Variants in BCAS3 observed in about 807,000 individuals in gnomAD.
BCAS3 encodes the protein BCAS4/BCAS3 fusion.
Under a neutral mutation model 116.1 loss-of-function variants are expected in BCAS3, and 53 were observed. That is an observed-to-expected ratio of 0.46 (90% CI 0.37 to 0.57). The LOEUF (loss-of-function observed/expected upper bound fraction) is 0.57, where lower values mean the gene tolerates loss of function less well. Among genes scored for constraint, BCAS3 ranks in the 20% least tolerant of loss-of-function variants. The pLI is 0.00. For missense variants in BCAS3, 917 were observed against 1,165.4 expected, an observed-to-expected ratio of 0.79 and a Z score of 3.10; for synonymous variants, 391 against 408.2, an observed-to-expected ratio of 0.96 and a Z score of 0.51.
chr17:61,308,241 A>C lies in BCAS3; in HGVS notation c.2426-60086A>C, dbSNP rs184594772. On this transcript the variant is annotated intron_variant, in intron 22 of 23. Coordinates refer to ENST00000407086, the MANE Select transcript of BCAS3 (RefSeq NM_017679.5). ...GCCTTCAGCTAGTTTACAGCATTTC[A>C]TTTTACAGCCCATCATGATGATAGT... Among the ~76,000 whole-genome samples, 418 of 152,194 alleles carry C rather than the reference A, an allele frequency of 2.7e-3. 2 individuals carry two copies. The highest frequency in any genetic ancestry group is 9.8e-3 in the African/African-American group (408 of 41,506).
intron 6 of BCAS3, among the ~76,000 whole-genome samples, chr17:60,758,372 T>C (rs1457060568): frequency 6.6e-6 from 1 of 152,186 alleles, no homozygotes; most frequent in Non-Finnish European, 1.5e-5. Flanking sequence ...GTATTGTTTT[T>C]TGAGTCTCTA....
In BCAS3 at chr17:61,255,140, C is replaced by T. The variant is rs573847478; in HGVS notation, c.2426-113187C>T. 7.2e-5 allele frequency among the ~76,000 whole-genome samples: 11 copies of T among 152,306 alleles called. No homozygotes were observed. In the East Asian group the frequency reaches 2.1e-3, roughly 29 times the overall value. On this transcript the variant is annotated intron_variant, in intron 22 of 23. Transcript: ENST00000407086. Reference sequence around the variant, plus strand: ...AGAGCACAATGACTTATTGAAGTTTCACATGTTGCTCTTTTTGGAACTACC... The same window carrying T: ...AGAGCACAATGACTTATTGAAGTTTTACATGTTGCTCTTTTTGGAACTACC...
chr17:60,712,006 A>G (rs556538325), intron 5 of BCAS3, among the ~76,000 whole-genome samples: 4 of 149,976 alleles, frequency 2.7e-5, no homozygotes, highest in Admixed American at 6.7e-5. Context: ...TACTAAAAAT[A>G]AAAAAAAAAT....
chr17:61,069,834 TAAAA>T (rs746344496), intron 19 of BCAS3: 2,323 of 599,502 alleles, frequency 3.9e-3, no homozygotes, highest in Middle Eastern at 5.7e-3. Context: ...AGACCCTGTG[TAAAA>T]AAAAAAAAAA....
chr17:61,102,639 G>C (rs1218201539), intron 22 of BCAS3, among the ~76,000 whole-genome samples: 1 of 152,040 alleles, frequency 6.6e-6, no homozygotes, highest in Admixed American at 6.6e-5. Context: ...TTGAATAGAC[G>C]TGTGTAATGC....
chr17:60,864,833 A>C lies in BCAS3; in HGVS notation c.477-3743A>C, dbSNP rs183438049. Among the ~76,000 whole-genome samples, 3 of 152,282 alleles carry C rather than the reference A, an allele frequency of 2.0e-5. No individual in the cohort carries two copies. The East Asian group carries it at 5.8e-4, about 29-fold the overall frequency. ...TATTTCAAATGAACACTTAGAGGCT[A>C]TTGTAGGATTATTAATTGGTCTACT... is the stretch of plus-strand genomic sequence containing the variant. On this transcript the variant is annotated intron_variant, in intron 7 of 23. Transcript: ENST00000407086.
intron 13 of BCAS3, among the ~76,000 whole-genome samples, chr17:60,929,936 A>G (rs932804521): frequency 1.3e-5 from 2 of 151,816 alleles, no homozygotes; most frequent in Non-Finnish European, 2.9e-5. Flanking sequence ...TCCATGGTGT[A>G]TATGTGCCAC....
intron 22 of BCAS3, among the ~76,000 whole-genome samples, chr17:61,175,859 G>A (rs1353163186): frequency 1.3e-5 from 2 of 152,150 alleles, no homozygotes; most frequent in African/African-American, 4.8e-5. Context: ...TTTGAGACTA[G>A]GTGTGGTGGC....
At chr17:60,683,177 G>T (rs2033437225) in intron 2 of BCAS3, among the ~76,000 whole-genome samples, 1 of 152,092 alleles carries the variant, frequency 6.6e-6, no homozygotes, top group African/African-American at 2.4e-5. Flanking sequence ...AGAAAATGTA[G>T]ACTGACCTGC....
intron 7 of BCAS3, among the ~76,000 whole-genome samples, chr17:60,854,868 A>G (rs1395157019): frequency 1.3e-5 from 2 of 152,058 alleles, no homozygotes; most frequent in Non-Finnish European, 2.9e-5. Flanking sequence ...GTTGCCCTTC[A>G]GTAGATGAAT....
chr17:61,034,562 G>A lies in BCAS3; in HGVS notation c.1638-104G>A. On this transcript the variant is annotated intron_variant, in intron 16 of 23. Transcript: ENST00000407086. This position sits in a 1 kb window ranked among gnomAD's most constrained non-coding sequence, Gnocchi z 5.0. Reference sequence around the variant, plus strand: ...TTAAGGCAAAATGCATGTTCATACTGGAGGATTTGAATAGGGGTGGAATTT... The same window carrying A: ...TTAAGGCAAAATGCATGTTCATACTAGAGGATTTGAATAGGGGTGGAATTT... 9.7e-7 allele frequency: 1 copy of A among 1,032,692 alleles called. No individual in the cohort carries two copies. Among genetic ancestry groups the A allele is most frequent in the Non-Finnish European group, 1.4e-6 (1 of 725,150 alleles). The allele number at this position is 1,032,692 out of a possible 1,614,324, so 64.0% of individuals were successfully genotyped here.
intron 22 of BCAS3, among the ~76,000 whole-genome samples, chr17:61,260,449 A>G (rs1236410353): frequency 2.0e-5 from 3 of 152,226 alleles, no homozygotes; most frequent in East Asian, 1.9e-4. Context: ...GAAATATGCA[A>G]TTTTACAATG....
In BCAS3 at chr17:61,128,729, C is replaced by T. The variant is rs1008776604; in HGVS notation, c.2425+44165C>T. On this transcript the variant is annotated intron_variant, in intron 22 of 23. Transcript: ENST00000407086. The surrounding 1 kb of genome is among the most constrained non-coding windows in gnomAD (Gnocchi z 4.1). Reference sequence around the variant, plus strand: ...GCAGTCGTCTCACAACATGATTTTGCATTTACATCATCGTGCTAGCTGGTA... The same window carrying T: ...GCAGTCGTCTCACAACATGATTTTGTATTTACATCATCGTGCTAGCTGGTA... 5.7e-6 allele frequency: 3 copies of T among 525,146 alleles called. No individual in the cohort carries two copies. Among genetic ancestry groups the T allele is most frequent in the South Asian group, 8.2e-5 (1 of 12,228 alleles). The allele number at this position is 525,146 out of a possible 1,614,324, so 32.5% of individuals were successfully genotyped here. A position where few individuals can be genotyped will look rare whatever the true frequency, so the allele number is the denominator to read the frequency against.
In BCAS3 at chr17:61,339,394, A is replaced by G. The variant is rs117881709; in HGVS notation, c.2426-28933A>G. Among the ~76,000 whole-genome samples, 30 of 152,334 alleles carry G rather than the reference A, an allele frequency of 2.0e-4. No homozygotes were observed. In the East Asian group the frequency reaches 5.4e-3, roughly 27 times the overall value. ...CATGAAGCCGCCTAAAGGAGCTCAA[A>G]CTAGCATTTCCCTTGGCATTCTATT... is the stretch of plus-strand genomic sequence containing the variant. On this transcript the variant is annotated intron_variant, in intron 22 of 23. Coordinates refer to ENST00000407086, the MANE Select transcript of BCAS3 (RefSeq NM_017679.5). This position sits in a 1 kb window ranked among gnomAD's most constrained non-coding sequence, Gnocchi z 4.4.
intron 6 of BCAS3, among the ~76,000 whole-genome samples, chr17:60,797,520 ATTTAT>A (rs1254251964): frequency 6.6e-6 from 1 of 151,612 alleles, no homozygotes; most frequent in Non-Finnish European, 1.5e-5. Context: ...GACTACATTT[ATTTAT>A]TTATTTATTT....
chr17:60,855,731 C>G (rs896006249), intron 7 of BCAS3, among the ~76,000 whole-genome samples: 7 of 152,014 alleles, frequency 4.6e-5, no homozygotes, highest in African/African-American at 9.7e-5. Context: ...GTCACCCAGC[C>G]TGGAGTGCAG....
At position 61,335,858 on chromosome 17, in the gene BCAS3, C is replaced by T. The variant is rs537855473; in HGVS notation, c.2426-32469C>T. 2.6e-5 allele frequency among the ~76,000 whole-genome samples: 4 copies of T among 152,376 alleles called. No homozygotes were observed. In the East Asian group the frequency reaches 7.7e-4, roughly 29 times the overall value. On this transcript the variant is annotated intron_variant, in intron 22 of 23. Transcript: ENST00000407086. ...CTATAAACTCCAATCTGGCCAAAAA[C>T]GCAAAGCACCAGAGTCTGAGCTGGA...
At position 61,325,791 on chromosome 17, in the gene BCAS3, A is replaced by G. The variant is rs2055680489; in HGVS notation, c.2426-42536A>G. Among the ~76,000 whole-genome samples the G allele has an allele frequency of 6.6e-6, 1 of 150,980 alleles. No individual in the cohort carries two copies. The highest frequency in any genetic ancestry group is 1.5e-5 in the Non-Finnish European group (1 of 67,676). On this transcript the variant is annotated intron_variant, in intron 22 of 23. Coordinates refer to ENST00000407086, the MANE Select transcript of BCAS3 (RefSeq NM_017679.5). The surrounding 1 kb of genome is among the most constrained non-coding windows in gnomAD (Gnocchi z 6.4). ...AGGTGTTTTTGAAATGAGTGTCTCC[A>G]TTTTTCCTGGTCTTGGTGGCAAGAT... is the stretch of plus-strand genomic sequence containing the variant.
chr17:61,152,628 G>A (rs62082959), intron 22 of BCAS3, among the ~76,000 whole-genome samples: 18 of 152,002 alleles, frequency 1.2e-4, no homozygotes, highest in Non-Finnish European at 1.9e-4. Context: ...GGTAAGAAGA[G>A]AAGAAAGGGC....
Sources: gnomAD v4.1 joint callset for allele counts (sites outside exome capture counted in the v4.1 genomes callset) on GRCh38, gnomAD v4.1.1 for gene constraint, Gnocchi (gnomAD v3.1) non-coding constraint, MANE v1.5 for transcripts, NCBI Gene and HGNC (gene_info 2026-07-23, HGNC 2026-07-21) for gene names.